FBLN5: variants seen among roughly 807,000 people sequenced by gnomAD.
FBLN5 encodes the protein fibulin-5.
In FBLN5, 24 loss-of-function variants were observed where a neutral mutation model predicts 61.6. The observed-to-expected ratio is 0.39, with a 90% confidence interval of 0.28 to 0.55. The LOEUF (loss-of-function observed/expected upper bound fraction) is 0.55, where lower values mean the gene tolerates loss of function less well. Ranked by LOEUF, FBLN5 falls within the 20% of genes least tolerant of loss-of-function variation. The probability of loss-of-function intolerance (pLI) is 0.65; values close to 1 mark genes in which losing one functional copy is unlikely to be tolerated. For synonymous variants in FBLN5, 213 were observed against 219.8 expected, an observed-to-expected ratio of 0.97 and a Z score of 0.27; for missense variants, 470 against 594.1, an observed-to-expected ratio of 0.79 and a Z score of 2.17.
intron 4 of FBLN5, among the ~76,000 whole-genome samples, chr14:91,910,293 G>C (rs1175071927): frequency 6.6e-6 from 1 of 152,204 alleles, no homozygotes; most frequent in Admixed American, 6.5e-5. Context: ...AATACTGTAT[G>C]AGTCCACTTA....
chr14:91,887,579 C>T (rs1889785297), intron 6 of FBLN5, among the ~76,000 whole-genome samples: 1 of 152,056 alleles, frequency 6.6e-6, no homozygotes, highest in Admixed American at 6.6e-5. Context: ...TAAACATATA[C>T]ACATATACAC....
chr14:91,940,779 T>A (rs558212719), intron 2 of FBLN5, among the ~76,000 whole-genome samples, 163 bp from the exon 3 acceptor site: 51 of 152,278 alleles, frequency 3.3e-4, no homozygotes, highest in African/African-American at 1.2e-3. Context: ...TTTTTCCTTG[T>A]AATTATTTTA....
intron 4 of FBLN5, among the ~76,000 whole-genome samples, chr14:91,922,522 T>A (rs906441793): frequency 3.9e-5 from 6 of 152,048 alleles, no homozygotes; most frequent in African/African-American, 1.4e-4. Flanking sequence ...CCAGCCTCCA[T>A]GGGGAGAAGT....
intron 4 of FBLN5, among the ~76,000 whole-genome samples, chr14:91,907,117 C>T (rs1268690749): frequency 6.6e-6 from 1 of 152,204 alleles, no homozygotes; most frequent in African/African-American, 2.4e-5. Context: ...CATTTTTAAG[C>T]CTCTCTCACA....
At chr14:91,941,944 A>C (rs1381283250) in intron 2 of FBLN5, 1 of 351,068 alleles carries the variant, frequency 2.8e-6, no homozygotes, top group Non-Finnish European at 5.6e-6. Context: ...AAGGTCTAAA[A>C]TTCTTTGTTA....
chr14:91,935,220 T>C (rs556705909), intron 4 of FBLN5, among the ~76,000 whole-genome samples: 6 of 152,328 alleles, frequency 3.9e-5, no homozygotes, highest in African/African-American at 1.4e-4. Context: ...TTCCCAGCCA[T>C]GTCCTCATTG....
chr14:91,941,977 T>A, intron 2 of FBLN5: 1 of 352,074 alleles, frequency 2.8e-6, no homozygotes, highest in Non-Finnish European at 5.6e-6. Flanking sequence ...TCCTTCCCAT[T>A]GCCAGTGGCC....
intron 4 of FBLN5, among the ~76,000 whole-genome samples, chr14:91,923,337 G>T (rs1257172621): frequency 6.6e-6 from 1 of 152,208 alleles, no homozygotes; most frequent in Admixed American, 6.5e-5. Flanking sequence ...GGAATTCAAG[G>T]CCCCACAATC....
intron 4 of FBLN5, among the ~76,000 whole-genome samples, chr14:91,930,521 C>T (rs774504993): frequency 5.9e-5 from 9 of 152,202 alleles, no homozygotes; most frequent in South Asian, 2.1e-4. Flanking sequence ...GAATCGGTTT[C>T]ATGGTTTCAC....
At chr14:91,898,912 C>T (rs987091624) in intron 4 of FBLN5, among the ~76,000 whole-genome samples, 2 of 148,108 alleles carry the variant, frequency 1.4e-5, no homozygotes, top group African/African-American at 5.0e-5. Context: ...CACCACTCTT[C>T]TGCCTCAGCC....
chr14:91,931,086 T>A (rs1300851189), intron 4 of FBLN5, among the ~76,000 whole-genome samples: 2 of 152,142 alleles, frequency 1.3e-5, no homozygotes, highest in African/African-American at 4.8e-5. Flanking sequence ...ACAGGCATTG[T>A]TATATCCATT....
intron 4 of FBLN5, among the ~76,000 whole-genome samples, chr14:91,924,787 G>T (rs1221077742): frequency 6.6e-6 from 1 of 152,106 alleles, no homozygotes; most frequent in Non-Finnish European, 1.5e-5. Context: ...TAAGTACAGG[G>T]TGCTGTGGTC....
At chr14:91,910,762 G>A (rs1890886208) in intron 4 of FBLN5, among the ~76,000 whole-genome samples, 1 of 152,112 alleles carries the variant, frequency 6.6e-6, no homozygotes, top group Non-Finnish European at 1.5e-5. Context: ...AAGCATCACG[G>A]AATCAGGGTA....
At chr14:91,930,207 T>C (rs972528372) in intron 4 of FBLN5, among the ~76,000 whole-genome samples, 4 of 152,192 alleles carry the variant, frequency 2.6e-5, no homozygotes, top group African/African-American at 9.6e-5. Context: ...GCCTCGATGT[T>C]AGACAATTTG....
At chr14:91,937,787 T>G in intron 3 of FBLN5, among the ~76,000 whole-genome samples, 1 of 152,158 alleles carries the variant, frequency 6.6e-6, no homozygotes. Context: ...AAGAAATAAA[T>G]TCCTCTTCTT....
rs765352659 is a variant in FBLN5, at chr14:91,895,102, C to T, written c.380-30G>A. 5.0e-6 allele frequency: 8 copies of T among 1,613,204 alleles called. No homozygotes were observed. In the Admixed American group the frequency reaches 6.7e-5, roughly 13 times the overall value. ...AATACAGACATAGTCCAAAGAATGTCACTCACATCCATCTAGAGCCCTGGA... is the reference window on the plus strand; with the variant it reads ...AATACAGACATAGTCCAAAGAATGTTACTCACATCCATCTAGAGCCCTGGA... On this transcript the variant is annotated intron_variant, in intron 4 of 10. Coordinates refer to ENST00000342058, the MANE Select transcript of FBLN5 (RefSeq NM_006329.4).
At chr14:91,941,291 A>G (rs2056100445) in intron 2 of FBLN5, among the ~76,000 whole-genome samples, 1 of 152,040 alleles carries the variant, frequency 6.6e-6, no homozygotes, top group Non-Finnish European at 1.5e-5. Context: ...CTCCATTTCA[A>G]CCTCAGCAAG....
At chr14:91,936,924 G>C in intron 4 of FBLN5, 23 bp downstream of exon 4, 1 of 1,613,978 alleles carries the variant, frequency 6.2e-7, no homozygotes, top group Non-Finnish European at 8.5e-7. Flanking sequence ...CAGCGGAGAG[G>C]AACAAAAGGC....
chr14:91,907,868 C>T (rs979133592), intron 4 of FBLN5, among the ~76,000 whole-genome samples: 10 of 152,026 alleles, frequency 6.6e-5, no homozygotes, highest in African/African-American at 2.4e-4. Flanking sequence ...GTCCTAGCCC[C>T]TTGTAGTTCA....
Sources: allele counts gnomAD v4.1 joint callset (sites outside exome capture counted in the v4.1 genomes callset), GRCh38; gene constraint gnomAD v4.1.1; transcripts MANE v1.5; gene names NCBI Gene and HGNC (gene_info 2026-07-23, HGNC 2026-07-21).